The following RFX7 variants were observed in gnomAD, a reference collection of about 807,000 sequenced individuals.
RFX7 encodes the protein regulatory factor X7.
RFX7 carries 26 observed loss-of-function variants against 111.8 expected under a neutral mutation model. That is an observed-to-expected ratio of 0.23 (90% CI 0.17 to 0.32). The LOEUF (loss-of-function observed/expected upper bound fraction) is 0.32. RFX7 is among the 10% of genes least tolerant of loss of function. The pLI is 1.00. For synonymous variants in RFX7, 624 were observed against 624.4 expected, an observed-to-expected ratio of 1.00 and a Z score of 0.01; for missense variants, 1,573 against 1,772.9, an observed-to-expected ratio of 0.89 and a Z score of 2.02.
At chr15:56,153,692 A>T (rs2042608854) in intron 3 of RFX7, among the ~76,000 whole-genome samples, 1 of 152,340 alleles carries the variant, frequency 6.6e-6, no homozygotes, top group Middle Eastern at 3.4e-3. Flanking sequence ...TATCATACTG[A>T]ATGGGCAAAA....
At chr15:56,147,608 G>A (rs12591270) in intron 3 of RFX7, among the ~76,000 whole-genome samples, 1 of 150,218 alleles carries the variant, frequency 6.7e-6, no homozygotes, top group Non-Finnish European at 1.5e-5. Context: ...GAGTCTTGCT[G>A]TGTCGCCCAG....
At chr15:56,197,909 G>C (rs1341677644) in intron 2 of RFX7, among the ~76,000 whole-genome samples, 1 of 152,094 alleles carries the variant, frequency 6.6e-6, no homozygotes, top group Non-Finnish European at 1.5e-5. Context: ...CCCAGGATGA[G>C]AATATGGTCT....
rs2041578737 is a variant in RFX7 at position 56,090,129 on chromosome 15, G to C, written c.*3216C>G. 1 of 152,074 alleles carries C rather than the reference G, an allele frequency of 6.6e-6. No individual in the cohort carries two copies. Among genetic ancestry groups the C allele is most frequent in the Non-Finnish European group, 1.5e-5 (1 of 68,002 alleles). 9.4% of individuals were successfully genotyped at this position (152,074 alleles called of 1,614,324 possible). ...TACACTTATCAGTTTGTTATTTCTG[G>C]TACCTGGAAATGTCTATACTGCTTT... is the stretch of plus-strand genomic sequence containing the variant. On this transcript the variant is annotated 3_prime_UTR_variant, in exon 10 of 10. Transcript: ENST00000559447.
chr15:56,163,290 G>A (rs539487198), intron 3 of RFX7, among the ~76,000 whole-genome samples: 2 of 152,008 alleles, frequency 1.3e-5, no homozygotes, highest in Non-Finnish European at 2.9e-5. Context: ...ATTACTACTG[G>A]AGTGAACTAC....
rs1345958176 is a variant in RFX7, at chr15:56,243,849, C to T, written c.-407G>A. The stretch of plus-strand genomic sequence containing the variant: ...GCCGCCGCGGCCGCCGCTGCCCTGC[C>T]AGCCCCGGAGGCAGCCCAGTGCGCG... On this transcript the variant is annotated 5_prime_UTR_variant, in exon 1 of 10. Transcript: ENST00000559447. Among the ~76,000 whole-genome samples the T allele has an allele frequency of 1.4e-5, 2 of 147,354 alleles. No homozygotes were observed. The highest frequency in any genetic ancestry group is 6.7e-5 in the Admixed American group (1 of 14,842).
chr15:56,144,122 C>G (rs185089481), intron 4 of RFX7, among the ~76,000 whole-genome samples: 3 of 152,066 alleles, frequency 2.0e-5, no homozygotes, highest in Non-Finnish European at 4.4e-5. Context: ...TTTCACAATC[C>G]CTCACACTGC....
intron 5 of RFX7, among the ~76,000 whole-genome samples, chr15:56,119,804 A>G (rs1201049135): frequency 2.0e-5 from 3 of 151,290 alleles, no homozygotes; most frequent in Non-Finnish European, 2.9e-5. Context: ...AGAAAGAAAG[A>G]AAACGAGTTC....
rs754454053 is a variant in RFX7, at chr15:56,093,576, G to C, written c.4152C>G (p.Ile1384Met). The C allele has an allele frequency of 2.5e-6, 4 of 1,613,548 alleles. No individual in the cohort carries two copies. In the East Asian group the frequency reaches 8.9e-5, roughly 36 times the overall value. The change falls in exon 10 of 10, where the codon ATC becomes ATG. Residue 1384 changes from isoleucine (I) to methionine (M), a missense_variant. Around this residue, in one of 7 missense-constraint regions of RFX7, gnomAD observed 411 missense variants for 478.1 expected, o/e 0.86. Transcript: ENST00000559447. ...TNTASDFSSD[I>M]RLSSELSGSI... ...TGCCTGAGAGCTCAGAAGACAACCT[G>C]ATATCGCTAGAGAAATCAGATGCAG...
chr15:56,102,871 C>T (rs1309871599), intron 6 of RFX7, among the ~76,000 whole-genome samples: 1 of 152,074 alleles, frequency 6.6e-6, no homozygotes, highest in African/African-American at 2.4e-5. Context: ...GAAAAAAAGA[C>T]AAGAGCTAAG....
At chr15:56,241,432 A>G (rs2043687923) in intron 2 of RFX7, among the ~76,000 whole-genome samples, 1 of 152,194 alleles carries the variant, frequency 6.6e-6, no homozygotes, top group Admixed American at 6.5e-5. Flanking sequence ...ATCAATTAAA[A>G]TATACATTAC....
Position 56,137,870 on chromosome 15 carries a change from G to C in RFX7, c.401+4908C>G, listed in dbSNP as rs1423908397. ...TTTATTTCTGCCTTCATTTCATTAT[G>C]TACCCAGTAGTCATTCAGGAGCAGG... On this transcript the variant is annotated intron_variant, in intron 5 of 9. Coordinates refer to ENST00000559447, the MANE Select transcript of RFX7 (RefSeq NM_022841.7). Among the ~76,000 whole-genome samples the C allele has an allele frequency of 6.3e-4, 95 of 151,928 alleles. 1 individual carries two copies. Among genetic ancestry groups the C allele is most frequent in the Non-Finnish European group, 1.2e-3 (83 of 67,852 alleles).
chr15:56,211,129 T>C (rs2043309096), intron 2 of RFX7, among the ~76,000 whole-genome samples: 1 of 152,032 alleles, frequency 6.6e-6, no homozygotes, highest in Admixed American at 6.5e-5. Flanking sequence ...AATGAATCAA[T>C]AATTAATAAT....
intron 2 of RFX7, chr15:56,192,814 T>C (rs544487265): frequency 4.5e-5 from 10 of 224,612 alleles, no homozygotes; most frequent in African/African-American, 2.3e-4. Flanking sequence ...TGTTTGGTGG[T>C]AGCATTGGCT....
At position 56,091,749 on chromosome 15, in the gene RFX7, A is replaced by AT. The variant is rs1466547741; in HGVS notation, c.*1595dup. On this transcript the variant is annotated 3_prime_UTR_variant, in exon 10 of 10. Coordinates refer to ENST00000559447, the MANE Select transcript of RFX7 (RefSeq NM_022841.7). ...ACACACAAATGCCAATAACTAAGAC[A>AT]TATCAATATATAAACCTCTGCGCCA... The AT allele has an allele frequency of 6.6e-6, 1 of 152,576 alleles. No individual in the cohort carries two copies. The highest frequency in any genetic ancestry group is 1.5e-5 in the Non-Finnish European group (1 of 67,970). The allele number at this position is 152,576 out of a possible 1,614,324, so 9.5% of individuals were successfully genotyped here. A position where few individuals can be genotyped will look rare whatever the true frequency, so the allele number is the denominator to read the frequency against.
intron 5 of RFX7, among the ~76,000 whole-genome samples, chr15:56,108,042 T>G (rs2041855334): frequency 6.6e-6 from 1 of 152,026 alleles, no homozygotes; most frequent in Admixed American, 6.6e-5. Flanking sequence ...AATAACACGT[T>G]CTGAAATTGA....
chr15:56,142,957 G>A, intron 4 of RFX7, 57 bp from the exon 5 acceptor site: 2 of 1,589,952 alleles, frequency 1.3e-6, no homozygotes, highest in Non-Finnish European at 1.7e-6. Flanking sequence ...AACGATTTTT[G>A]AGCTAGGCCT....
chr15:56,223,794 G>A (rs915388136), intron 2 of RFX7, among the ~76,000 whole-genome samples: 5 of 151,982 alleles, frequency 3.3e-5, no homozygotes, highest in South Asian at 4.2e-4. Context: ...TTATACTTTC[G>A]ACTGTTTTGT....
At chr15:56,198,172 T>C (rs1361347033) in intron 2 of RFX7, among the ~76,000 whole-genome samples, 4 of 152,164 alleles carry the variant, frequency 2.6e-5, no homozygotes, top group Admixed American at 2.6e-4. Context: ...ACTTGGTTTC[T>C]ACATTCTTAA....
chr15:56,188,490 A>C (rs1413600485), intron 2 of RFX7, among the ~76,000 whole-genome samples: 1 of 152,200 alleles, frequency 6.6e-6, no homozygotes, highest in Non-Finnish European at 1.5e-5. Flanking sequence ...CACATTGTCA[A>C]AAGGATCAAA....
Sources: gnomAD v4.1 joint callset for allele counts (sites outside exome capture counted in the v4.1 genomes callset) on GRCh38, gnomAD v4.1.1 for gene constraint, gnomAD v4.1.1 regional missense constraint, MANE v1.5 for transcripts, NCBI Gene and HGNC (gene_info 2026-07-23, HGNC 2026-07-21) for gene names.